Variants in FAM227B observed in about 807,000 individuals in gnomAD.
FAM227B encodes family with sequence similarity 227 member B.
In FAM227B, 88 loss-of-function variants were observed where a neutral mutation model predicts 73.8. The observed-to-expected ratio is 1.19, with a 90% CI of 1.00 to 1.42. The LOEUF (loss-of-function observed/expected upper bound fraction) is 1.42, where lower values mean the gene tolerates loss of function less well. FAM227B is among the 40% of genes most tolerant of loss of function. The pLI is 0.00. For missense variants in FAM227B, 632 were observed against 590.9 expected, an observed-to-expected ratio of 1.07 and a Z score of -0.72; for synonymous variants, 210 against 190.5, an observed-to-expected ratio of 1.10 and a Z score of -0.84.
intron 13 of FAM227B, 109 bp from the exon 14 acceptor site, chr15:49,335,605 A>G: frequency 1.4e-6 from 1 of 690,984 alleles, no homozygotes; most frequent in Non-Finnish European, 2.5e-6. Flanking sequence ...CTTTTCAGTA[A>G]TGAAGAGTCT....
At position 49,612,607 on chromosome 15, in the gene FAM227B, A is replaced by G. The variant is rs954618025; in HGVS notation, c.52-1339T>C. ...TAGGTACTTGAAAAATAATAAAAAT[A>G]CTTCTAGAGAATGAAAATCCAGTGA... On this transcript the variant is annotated intron_variant, in intron 2 of 15. Transcript: ENST00000299338. Among the ~76,000 whole-genome samples, 32 of 152,206 alleles carry G rather than the reference A, an allele frequency of 2.1e-4. 1 individual carries two copies. Among genetic ancestry groups the G allele is most frequent in the Admixed American group, 2.6e-4 (4 of 15,274 alleles).
chr15:49,605,810 C>T (rs2077483841), intron 3 of FAM227B, among the ~76,000 whole-genome samples: 1 of 151,998 alleles, frequency 6.6e-6, no homozygotes, highest in Non-Finnish European at 1.5e-5. Flanking sequence ...ATCAAAAATC[C>T]AAGGGGCTGG....
rs374477211 is a variant in FAM227B, at chr15:49,494,256, A to AACACACACACACACACAC, written c.1012+13937_1012+13954dup. On this transcript the variant is annotated intron_variant, in intron 11 of 15. Coordinates refer to ENST00000299338, the MANE Select transcript of FAM227B (RefSeq NM_152647.3). ...CTATTGCCTTAGTGGGAGACACACA[A>AACACACACACACACACAC]ACACACACACACACACACACACACA... Among the ~76,000 whole-genome samples, 495 of 140,698 alleles carry AACACACACACACACACAC rather than the reference A, an allele frequency of 3.5e-3. 3 individuals carry two copies. Among genetic ancestry groups the AACACACACACACACACAC allele is most frequent in the African/African-American group, 0.012 (486 of 39,064 alleles). 92.3% of individuals were successfully genotyped at this position (140,698 alleles called of 152,430 possible). A position where few individuals can be genotyped will look rare whatever the true frequency, so the allele number is the denominator to read the frequency against.
chr15:49,376,349 C>T (rs1223274236), intron 11 of FAM227B, among the ~76,000 whole-genome samples: 1 of 151,934 alleles, frequency 6.6e-6, no homozygotes. Context: ...GTGAATACCC[C>T]AGTTGTCACA....
intron 2 of FAM227B, chr15:49,614,858 A>G: frequency 2.4e-6 from 1 of 417,634 alleles, no homozygotes; most frequent in East Asian, 3.9e-5. Context: ...TCCTTGCTAT[A>G]TAAAACCCTA....
intron 10 of FAM227B, among the ~76,000 whole-genome samples, chr15:49,522,162 A>G (rs970967301): frequency 2.0e-5 from 3 of 152,208 alleles, no homozygotes; most frequent in Non-Finnish European, 4.4e-5. Flanking sequence ...AATCATGTCC[A>G]AAAGCTATCT....
chr15:49,387,564 A>T (rs1194158485), intron 11 of FAM227B, among the ~76,000 whole-genome samples: 1 of 151,874 alleles, frequency 6.6e-6, no homozygotes, highest in Non-Finnish European at 1.5e-5. Context: ...CCCTGAGAAC[A>T]GAAACAAGAC....
chr15:49,600,806 G>A (rs2077149572), intron 3 of FAM227B, among the ~76,000 whole-genome samples: 1 of 151,792 alleles, frequency 6.6e-6, no homozygotes, highest in African/African-American at 2.4e-5. Flanking sequence ...ACTTCGGGAG[G>A]TTGAGGTGGG....
intron 11 of FAM227B, among the ~76,000 whole-genome samples, chr15:49,461,692 G>A (rs774049831): frequency 6.6e-6 from 1 of 152,156 alleles, no homozygotes; most frequent in Non-Finnish European, 1.5e-5. Context: ...AAGAATAAGA[G>A]CAATCCTTAT....
chr15:49,399,425 G>T (rs1485535335), intron 11 of FAM227B, among the ~76,000 whole-genome samples: 1 of 148,952 alleles, frequency 6.7e-6, no homozygotes, highest in Non-Finnish European at 1.5e-5. Context: ...GAGGTACAAG[G>T]AGGAACTGGT....
chr15:49,369,037 C>A (rs1204023599), intron 12 of FAM227B, among the ~76,000 whole-genome samples: 1 of 152,206 alleles, frequency 6.6e-6, no homozygotes, highest in African/African-American at 2.4e-5. Context: ...TGGCTCACTG[C>A]AAGCTCTGCC....
In FAM227B at chr15:49,439,101, G is replaced by C. The variant is rs377022727; in HGVS notation, c.1013-67702C>G. ...TAGGGCTGAAGTCTTCTTATGTCTT[G>C]ACTGGGGCTGAAGGATCTATATAAA... On this transcript the variant is annotated intron_variant, in intron 11 of 15. Coordinates refer to ENST00000299338, the MANE Select transcript of FAM227B (RefSeq NM_152647.3). 1.4e-4 allele frequency among the ~76,000 whole-genome samples: 22 copies of C among 151,796 alleles called. No individual in the cohort carries two copies. In the East Asian group the frequency reaches 2.3e-3, roughly 16 times the overall value.
At chr15:49,549,553 A>T (rs1036494450) in intron 9 of FAM227B, among the ~76,000 whole-genome samples, 1 of 152,172 alleles carries the variant, frequency 6.6e-6, no homozygotes, top group East Asian at 1.9e-4. Flanking sequence ...GCTGCCCTCA[A>T]GCATCTGTTT....
chr15:49,526,482 A>G (rs1269153982), intron 10 of FAM227B, among the ~76,000 whole-genome samples: 1 of 152,156 alleles, frequency 6.6e-6, no homozygotes, highest in East Asian at 1.9e-4. Flanking sequence ...ATTTACCCCA[A>G]GGAACTAGAA....
At chr15:49,457,185 G>A (rs2053381688) in intron 11 of FAM227B, among the ~76,000 whole-genome samples, 7 of 151,998 alleles carry the variant, frequency 4.6e-5, no homozygotes, top group Admixed American at 4.6e-4. Context: ...TGGGAAAGCA[G>A]GAAGCAGTTT....
chr15:49,598,518 G>A (rs1231447846), intron 3 of FAM227B, among the ~76,000 whole-genome samples: 2 of 151,940 alleles, frequency 1.3e-5, no homozygotes, highest in East Asian at 1.9e-4. Context: ...GAATCCTTGT[G>A]TTGTTTCTGT....
intron 11 of FAM227B, among the ~76,000 whole-genome samples, chr15:49,412,786 T>C (rs2048956152): frequency 6.6e-6 from 1 of 152,104 alleles, no homozygotes; most frequent in Admixed American, 6.6e-5. Context: ...CAAGAAAAAC[T>C]TTCCTTTTGC....
At chr15:49,416,863 T>A (rs1377230555) in intron 11 of FAM227B, among the ~76,000 whole-genome samples, 1 of 151,780 alleles carries the variant, frequency 6.6e-6, no homozygotes, top group Admixed American at 6.6e-5. Context: ...ATGAAAATTA[T>A]AAAACATTGC....
intron 11 of FAM227B, among the ~76,000 whole-genome samples, chr15:49,421,139 A>G (rs1024265329): frequency 7.2e-5 from 11 of 152,244 alleles, no homozygotes; most frequent in Non-Finnish European, 1.6e-4. Context: ...AAGAGCAACA[A>G]ACGGTTGCCA....
Sources: gnomAD v4.1 joint callset for allele counts (sites outside exome capture counted in the v4.1 genomes callset) on GRCh38, gnomAD v4.1.1 for gene constraint, MANE v1.5 for transcripts, NCBI Gene and HGNC (gene_info 2026-07-23, HGNC 2026-07-21) for gene names.